WDR27: variants seen among roughly 807,000 people sequenced by gnomAD.
WDR27 encodes WD repeat domain 27.
WDR27 carries 100 observed loss-of-function variants against 114.4 expected under a neutral mutation model. That is an observed-to-expected ratio of 0.87 (90% confidence interval 0.74 to 1.03). WDR27 has a LOEUF of 1.03. Ranked by LOEUF, WDR27 falls within the 50% of genes least tolerant of loss-of-function variation. WDR27 has a pLI of 0.00. For missense variants in WDR27, 1,129 were observed against 1,092.9 expected (o/e 1.03, Z -0.47); for synonymous variants, 449 against 423.1 (o/e 1.06, Z -0.75).
At chr6:169,687,161 A>G (rs1783209740) in intron 2 of WDR27, among the ~76,000 whole-genome samples, 1 of 152,186 alleles carries the variant, frequency 6.6e-6, no homozygotes, top group Admixed American at 6.5e-5. Context: ...ACACAATAAA[A>G]AGATAAATGT....
chr6:169,481,422 G>T (rs1329277794), intron 25 of WDR27, among the ~76,000 whole-genome samples: 1 of 152,218 alleles, frequency 6.6e-6, no homozygotes, highest in East Asian at 1.9e-4. Context: ...AAAGCAGGCT[G>T]CCCAAGCCAA....
chr6:169,615,649 T>C (rs1398695588), intron 21 of WDR27, among the ~76,000 whole-genome samples: 1 of 152,106 alleles, frequency 6.6e-6, no homozygotes, highest in Non-Finnish European at 1.5e-5. Context: ...GGATTAGACT[T>C]AAATGCAAAA....
At chr6:169,665,259 G>C in intron 7 of WDR27, 1 of 1,321,836 alleles carries the variant, frequency 7.6e-7, no homozygotes, top group Non-Finnish European at 9.6e-7. Flanking sequence ...CACGCATGGA[G>C]CTCTGGGACA....
At chr6:169,452,516 G>T (rs1784194208), downstream of WDR27, among the ~76,000 whole-genome samples, 1 of 69,208 alleles carries the variant, frequency 1.4e-5, no homozygotes, top group Admixed American at 1.4e-4. Context: ...GGAGCCGTGC[G>T]TGGGGTCAGA....
At chr6:169,660,517 C>T in intron 10 of WDR27, 146 bp downstream of exon 10, 1 of 694,736 alleles carries the variant, frequency 1.4e-6, no homozygotes, top group Non-Finnish European at 2.5e-6. Context: ...CACAGAGGTG[C>T]TCACGTGCTC....
intron 24 of WDR27, among the ~76,000 whole-genome samples, chr6:169,578,101 T>TCGCTC (rs1802742768): frequency 6.6e-6 from 1 of 152,216 alleles, no homozygotes; most frequent in Non-Finnish European, 1.5e-5. Flanking sequence ...GTTGGTGTCA[T>TCGCTC]CGCTCCGCAG....
intron 25 of WDR27, among the ~76,000 whole-genome samples, chr6:169,498,939 A>C (rs1290549456): frequency 6.6e-6 from 1 of 152,182 alleles, no homozygotes; most frequent in Non-Finnish European, 1.5e-5. Context: ...TACTGCACGG[A>C]ACTGCATACC....
chr6:169,503,325 G>A (rs181999755), intron 25 of WDR27, among the ~76,000 whole-genome samples: 6 of 152,216 alleles, frequency 3.9e-5, no homozygotes, highest in Admixed American at 3.3e-4. Context: ...TACAACATAA[G>A]AGAATGTTGT....
At chr6:169,544,156 G>A (rs933037535) in intron 25 of WDR27, among the ~76,000 whole-genome samples, 1 of 152,082 alleles carries the variant, frequency 6.6e-6, no homozygotes. Context: ...GTGATGATTG[G>A]ATGCTCTCCC....
the WDR27 span, among the ~76,000 whole-genome samples, chr6:169,446,381 C>T: frequency 6.6e-6 from 1 of 151,996 alleles, no homozygotes; most frequent in African/African-American, 2.4e-5. Context: ...GGGCCGGGCA[C>T]AAGGCGGGAC....
intron 2 of WDR27, among the ~76,000 whole-genome samples, chr6:169,679,920 CCAGA>C (rs771398082): frequency 7.9e-5 from 12 of 151,974 alleles, no homozygotes; most frequent in African/African-American, 2.2e-4. Context: ...TTAAAGGCAG[CCAGA>C]CAAATATAAC....
intron 25 of WDR27, among the ~76,000 whole-genome samples, chr6:169,519,399 C>T (rs1794077602): frequency 6.6e-6 from 1 of 152,186 alleles, no homozygotes; most frequent in Non-Finnish European, 1.5e-5. Context: ...GCAGGATATA[C>T]AGGAAGCATG....
chr6:169,454,812 C>T (rs1784285478), downstream of WDR27, among the ~76,000 whole-genome samples: 1 of 152,222 alleles, frequency 6.6e-6, no homozygotes, highest in Non-Finnish European at 1.5e-5. Context: ...CTAGACAGAG[C>T]CGGGGCTCAT....
At chr6:169,567,074 A>G (rs1428175202) in intron 25 of WDR27, among the ~76,000 whole-genome samples, 2 of 152,146 alleles carry the variant, frequency 1.3e-5, no homozygotes, top group African/African-American at 4.8e-5. Flanking sequence ...AGAGTCTGAT[A>G]GGCAGCAGCC....
chr6:169,677,026 A>C (rs1585100519), intron 2 of WDR27, among the ~76,000 whole-genome samples: 2 of 152,160 alleles, frequency 1.3e-5, no homozygotes, highest in East Asian at 3.8e-4. Context: ...TGAAAGGCCT[A>C]ATACAGAAAA....
chr6:169,658,156 T>G (rs532180725), intron 13 of WDR27, 120 bp downstream of exon 13: 21 of 779,208 alleles, frequency 2.7e-5, no homozygotes, highest in Middle Eastern at 4.6e-4. Context: ...GACAGAAGGA[T>G]GGAAGGAAGT....
At chr6:169,642,143 C>T (rs1418580261) in intron 17 of WDR27, among the ~76,000 whole-genome samples, 1 of 152,180 alleles carries the variant, frequency 6.6e-6, no homozygotes. Flanking sequence ...TTATTTGTCA[C>T]AGATCATAAT....
intron 2 of WDR27, among the ~76,000 whole-genome samples, chr6:169,675,425 GA>G (rs1237179804): frequency 7.2e-5 from 11 of 152,176 alleles, no homozygotes; most frequent in Non-Finnish European, 1.6e-4. Context: ...GTCGACAAAA[GA>G]GTCGAACTTT....
the WDR27 span, among the ~76,000 whole-genome samples, chr6:169,431,013 C>T: frequency 6.6e-6 from 1 of 152,268 alleles, no homozygotes; most frequent in African/African-American, 2.4e-5. Context: ...GGGATTCTGT[C>T]TGCTGAATGA....
Sources: allele counts gnomAD v4.1 joint callset (sites outside exome capture counted in the v4.1 genomes callset), GRCh38; gene constraint gnomAD v4.1.1; transcripts MANE v1.5; gene names NCBI Gene and HGNC (gene_info 2026-07-23, HGNC 2026-07-21).